KCTD12: variants seen among roughly 807,000 people sequenced by gnomAD.
KCTD12 encodes the protein BTB/POZ domain-containing protein KCTD12.
In KCTD12, 16 loss-of-function variants were observed where a neutral mutation model predicts 22.6. The observed-to-expected ratio is 0.71, with a 90% CI of 0.48 to 1.07. KCTD12 has a LOEUF of 1.07. Among genes scored for constraint, KCTD12 ranks in the 50% least tolerant of loss-of-function variants. The pLI is 0.00. For missense variants in KCTD12, 452 were observed against 469.2 expected, an observed-to-expected ratio of 0.96 and a Z score of 0.34; for synonymous variants, 260 against 228.0, an observed-to-expected ratio of 1.14 and a Z score of -1.26.
rs1555308963 is a variant in KCTD12, at chr13:76,886,282, G to GCCGCCACCACCGCCA, written c.-135_-134insTGGCGGTGGTGGCGG. 9.2e-7 allele frequency: 1 copy of GCCGCCACCACCGCCA among 1,092,660 alleles called. No homozygotes were observed. The highest frequency in any genetic ancestry group is 3.3e-5 in the East Asian group (1 of 30,336). The allele number at this position is 1,092,660 out of a possible 1,614,324, so 67.7% of individuals were successfully genotyped here. ...CCCCGCCGCCGCCGCCGCCGCCACC[G>GCCGCCACCACCGCCA]CCGCCACCGCCACCGCCGCCACCTC... is the stretch of plus-strand genomic sequence containing the variant. On this transcript the variant is annotated 5_prime_UTR_variant, in exon 1 of 1. Coordinates refer to ENST00000377474, the MANE Select transcript of KCTD12 (RefSeq NM_138444.4).
In KCTD12 at chr13:76,886,046, T is replaced by G; in HGVS notation, c.103A>C (p.Ile35Leu). Residue 35 changes from isoleucine to leucine, a missense_variant, in exon 1 of 1, where the codon ATC (isoleucine) becomes CTC (leucine). Coordinates refer to ENST00000377474, the MANE Select transcript of KCTD12 (RefSeq NM_138444.4). Reference sequence around the variant, plus strand: ...TGGCCCCCCACGTTCAGCTCCACGATGTCGGGGAAGAGCGGTGGCTCCGCG... The same window carrying G: ...TGGCCCCCCACGTTCAGCTCCACGAGGTCGGGGAAGAGCGGTGGCTCCGCG... ...SSAEPPLFPDIVELNVGGQVY... is the reference protein window; with the variant it reads ...SSAEPPLFPDLVELNVGGQVY... The G allele has an allele frequency of 6.3e-7, 1 of 1,575,490 alleles. No homozygotes were observed. Among genetic ancestry groups the G allele is most frequent in the Non-Finnish European group, 8.6e-7 (1 of 1,164,296 alleles).
rs1822385429 is a variant in KCTD12, at chr13:76,886,240, G to A, written c.-92C>T. 12 of 1,354,134 alleles carry A rather than the reference G, an allele frequency of 8.9e-6. No individual in the cohort carries two copies. Among genetic ancestry groups the A allele is most frequent in the Non-Finnish European group, 8.5e-6 (9 of 1,056,892 alleles). The allele number at this position is 1,354,134 out of a possible 1,614,324, so 83.9% of individuals were successfully genotyped here. On this transcript the variant is annotated 5_prime_UTR_variant, in exon 1 of 1. Transcript: ENST00000377474. ...TTCCCCGGAGCCCCGGAACCCGGAC[G>A]CTCGCTCAGCCCTGCGCCCCGCCGC...
In KCTD12 at chr13:76,883,444, G is replaced by A. The variant is rs2033226068; in HGVS notation, c.*1727C>T. The A allele has an allele frequency of 6.6e-6, 1 of 152,594 alleles. No individual in the cohort carries two copies. Among genetic ancestry groups the A allele is most frequent in the South Asian group, 2.1e-4 (1 of 4,834 alleles). 9.5% of individuals were successfully genotyped at this position (152,594 alleles called of 1,614,324 possible). A position where few individuals can be genotyped will look rare whatever the true frequency, so the allele number is the denominator to read the frequency against. On this transcript the variant is annotated 3_prime_UTR_variant, in exon 1 of 1. Transcript: ENST00000377474. ...CACCTCACAGCATGGAGCATGACGA[G>A]GTTTATTTCCCTTCACTTATGGTTT...
Position 76,885,548 on chromosome 13 carries a change from G to GT in KCTD12, c.600_601insA (p.Leu201ThrfsTer167). 2 of 1,563,410 alleles carry GT rather than the reference G, an allele frequency of 1.3e-6. No homozygotes were observed. The highest frequency in any genetic ancestry group is 2.3e-5 in the South Asian group (2 of 86,852). ...TAGCCCGAGCGCCGGCTGCCGTCCA[G>GT]CGACTGGGACGGCGTGAGCAGCGGG... is the stretch of plus-strand genomic sequence containing the variant. On this transcript the variant is annotated frameshift_variant, in exon 1 of 1. Coordinates refer to ENST00000377474, the MANE Select transcript of KCTD12 (RefSeq NM_138444.4). LOFTEE classifies it high-confidence loss of function. The surrounding 1 kb of genome is among the most constrained non-coding windows in gnomAD (Gnocchi z 5.1).
chr13:76,885,031 A>T lies in KCTD12; in HGVS notation c.*140T>A. 1.1e-6 allele frequency: 1 copy of T among 887,780 alleles called. No homozygotes were observed. The highest frequency in any genetic ancestry group is 1.7e-5 in the African/African-American group (1 of 60,136). The allele number at this position is 887,780 out of a possible 1,614,324, so 55.0% of individuals were successfully genotyped here. A position where few individuals can be genotyped will look rare whatever the true frequency, so the allele number is the denominator to read the frequency against. ...TCTGTAGTGGAGGGAAGGTGGGCGGACAGGTCTCACCCAGCTACTACTGGA... is the reference window on the plus strand; with the variant it reads ...TCTGTAGTGGAGGGAAGGTGGGCGGTCAGGTCTCACCCAGCTACTACTGGA... On this transcript the variant is annotated 3_prime_UTR_variant, in exon 1 of 1. Transcript: ENST00000377474. This position sits in a 1 kb window ranked among gnomAD's most constrained non-coding sequence, Gnocchi z 5.1.
At position 76,885,797 on chromosome 13, in the gene KCTD12, C is replaced by A; in HGVS notation, c.352G>T (p.Glu118Ter). 1 of 1,588,848 alleles carries A rather than the reference C, an allele frequency of 6.3e-7. No individual in the cohort carries two copies. The highest frequency in any genetic ancestry group is 1.1e-5 in the South Asian group (1 of 89,530). ...PERSRLQREAEYFELPELVRR... is the reference protein window; with the variant it reads ...PERSRLQREA Reference sequence around the variant, plus strand: ...ACGAGCTCTGGCAGCTCGAAGTACTCGGCCTCGCGCTGCAGCCGGCTGCGC... The same window carrying A: ...ACGAGCTCTGGCAGCTCGAAGTACTAGGCCTCGCGCTGCAGCCGGCTGCGC... Residue 118 changes from glutamate (E) to a stop codon, truncating the protein, a stop_gained, in exon 1 of 1, where the codon GAG (glutamate) becomes TAG (stop). Transcript: ENST00000377474. LOFTEE classifies it high-confidence loss of function. This position sits in a 1 kb window ranked among gnomAD's most constrained non-coding sequence, Gnocchi z 5.1.
chr13:76,880,952 G>A lies in KCTD12; in HGVS notation c.*4219C>T, dbSNP rs1486948020. ...TGAATTTCTTCCAACCAAGTTTGAA[G>A]GGCCCCAGTAGAAAATCAAGTGTTA... On this transcript the variant is annotated 3_prime_UTR_variant, in exon 1 of 1. Transcript: ENST00000377474. 6.6e-6 allele frequency: 1 copy of A among 152,204 alleles called. No individual in the cohort carries two copies. The highest frequency in any genetic ancestry group is 2.4e-5 in the African/African-American group (1 of 41,414). 9.4% of individuals were successfully genotyped at this position (152,204 alleles called of 1,614,324 possible).
chr13:76,885,356 G>A lies in KCTD12; in HGVS notation c.793C>T (p.Arg265Cys). The A allele has an allele frequency of 6.2e-7, 1 of 1,613,674 alleles. No individual in the cohort carries two copies. Among genetic ancestry groups the A allele is most frequent in the Non-Finnish European group, 8.5e-7 (1 of 1,179,870 alleles). Residue 265 changes from arginine (R) to cysteine (C), a missense_variant, in exon 1 of 1, where the codon CGC becomes TGC. Physicochemically the swap from Arg to Cys is radical, Grantham distance 180. This residue lies in a region of KCTD12 where 122 missense variants were observed against 172.8 expected (regional missense o/e 0.71). Coordinates refer to ENST00000377474, the MANE Select transcript of KCTD12 (RefSeq NM_138444.4). The surrounding 1 kb of genome is among the most constrained non-coding windows in gnomAD (Gnocchi z 5.1). ...TTGAGGTAATAGCGCGAGGTGTAGC[G>A]CTCCGGGGGACGGTCGGGGTCCCGG... ...ESRDPDRPPE[R>C]YTSRYYLKFN...
Position 76,885,758 on chromosome 13 carries a change from C to T in KCTD12, c.391G>A (p.Ala131Thr), listed in dbSNP as rs751470377. ...ELPELVRRLG[A>T]PQQPGPGPPP... ...GGCCCCGGGCCGGGCTGCTGGGGCG[C>T]CCCGAGGCGGCGCACGAGCTCTGGC... Residue 131 changes from alanine to threonine, a missense_variant, in exon 1 of 1, where the codon GCG becomes ACG. Coordinates refer to ENST00000377474, the MANE Select transcript of KCTD12 (RefSeq NM_138444.4). This position sits in a 1 kb window ranked among gnomAD's most constrained non-coding sequence, Gnocchi z 5.1. 5 of 1,512,578 alleles carry T rather than the reference C, an allele frequency of 3.3e-6. No individual in the cohort carries two copies. Among genetic ancestry groups the T allele is most frequent in the South Asian group, 1.2e-5 (1 of 80,058 alleles). The allele number at this position is 1,512,578 out of a possible 1,614,324, so 93.7% of individuals were successfully genotyped here. A position where few individuals can be genotyped will look rare whatever the true frequency, so the allele number is the denominator to read the frequency against.
rs2033202948 is a variant in KCTD12, at chr13:76,881,552, T to C, written c.*3619A>G. 1 of 152,602 alleles carries C rather than the reference T, an allele frequency of 6.6e-6. No individual in the cohort carries two copies. Among genetic ancestry groups the C allele is most frequent in the African/African-American group, 2.4e-5 (1 of 41,438 alleles). 9.5% of individuals were successfully genotyped at this position (152,602 alleles called of 1,614,324 possible). On this transcript the variant is annotated 3_prime_UTR_variant, in exon 1 of 1. Coordinates refer to ENST00000377474, the MANE Select transcript of KCTD12 (RefSeq NM_138444.4). ...TTGTCTGATATTAACAGATTATGCATTTCCTCAGAGAAGCAGTAGGTCCCA... is the reference window on the plus strand; with the variant it reads ...TTGTCTGATATTAACAGATTATGCACTTCCTCAGAGAAGCAGTAGGTCCCA...
chr13:76,886,258 CCCGCCGCCGCCGCCGCCGCCA>C lies in KCTD12; in HGVS notation c.-131_-111del, dbSNP rs1246847300. The C allele has an allele frequency of 5.8e-6, 7 of 1,216,284 alleles. No individual in the cohort carries two copies. The highest frequency in any genetic ancestry group is 3.4e-5 in the African/African-American group (2 of 59,402). 75.3% of individuals were successfully genotyped at this position (1,216,284 alleles called of 1,614,324 possible). A position where few individuals can be genotyped will look rare whatever the true frequency, so the allele number is the denominator to read the frequency against. ...CCCGGACGCTCGCTCAGCCCTGCGC[CCCGCCGCCGCCGCCGCCGCCA>C]CCGCCGCCACCGCCACCGCCGCCAC... On this transcript the variant is annotated 5_prime_UTR_variant, in exon 1 of 1. Transcript: ENST00000377474.
chr13:76,885,835 T>G lies in KCTD12; in HGVS notation c.314A>C (p.Asp105Ala). 6.3e-7 allele frequency: 1 copy of G among 1,595,612 alleles called. No homozygotes were observed. The highest frequency in any genetic ancestry group is 8.5e-7 in the Non-Finnish European group (1 of 1,178,906). Reference sequence around the variant, plus strand: ...CAGCCGGCTGCGCTCGGGGAAGTAGTCGGGCAGCACGAGCTGCAAGTCCCG... The same window carrying G: ...CAGCCGGCTGCGCTCGGGGAAGTAGGCGGGCAGCACGAGCTGCAAGTCCCG... ...YLRDLQLVLP[D>A]YFPERSRLQR... is the part of the protein sequence containing the mutation. The change falls in exon 1 of 1, where the codon GAC becomes GCC. Residue 105 changes from aspartate to alanine, a missense_variant. By Grantham distance (126) the Asp-to-Ala change is moderately radical. Transcript: ENST00000377474. This position sits in a 1 kb window ranked among gnomAD's most constrained non-coding sequence, Gnocchi z 5.1.
Position 76,881,841 on chromosome 13 carries a change from T to G in KCTD12, c.*3330A>C, listed in dbSNP as rs1235041505. The G allele has an allele frequency of 7.2e-5, 11 of 151,770 alleles. No homozygotes were observed. The highest frequency in any genetic ancestry group is 6.2e-4 in the South Asian group (3 of 4,820). 9.4% of individuals were successfully genotyped at this position (151,770 alleles called of 1,614,324 possible). ...ACACACAGAACCTGGTACCTGTTTT[T>G]TTTTTTTTTTTAACCACCATTGTCT... On this transcript the variant is annotated 3_prime_UTR_variant, in exon 1 of 1. Coordinates refer to ENST00000377474, the MANE Select transcript of KCTD12 (RefSeq NM_138444.4).
chr13:76,886,308 C>T lies in KCTD12; in HGVS notation c.-160G>A. The T allele has an allele frequency of 1.2e-6, 1 of 860,434 alleles. No individual in the cohort carries two copies. Among genetic ancestry groups the T allele is most frequent in the Non-Finnish European group, 1.5e-6 (1 of 647,152 alleles). 53.3% of individuals were successfully genotyped at this position (860,434 alleles called of 1,614,324 possible). A position where few individuals can be genotyped will look rare whatever the true frequency, so the allele number is the denominator to read the frequency against. ...CCGCCACCGCCACCGCCGCCACCTC[C>T]TAGAGCCGCGCGGAGCCGAGCGGTG... On this transcript the variant is annotated 5_prime_UTR_variant, in exon 1 of 1. Transcript: ENST00000377474.
rs1405201886 is a variant in KCTD12, at chr13:76,886,014, G to C, written c.135C>G (p.Tyr45Ter). 6.3e-7 allele frequency: 1 copy of C among 1,590,540 alleles called. No individual in the cohort carries two copies. Among genetic ancestry groups the C allele is most frequent in the South Asian group, 1.1e-5 (1 of 88,802 alleles). ...IVELNVGGQV[Y>*]VTRRCTVVSV... ...ACACCACCGTGCAGCGCCGGGTCACGTACACCTGGCCCCCCACGTTCAGCT... is the reference window on the plus strand; with the variant it reads ...ACACCACCGTGCAGCGCCGGGTCACCTACACCTGGCCCCCCACGTTCAGCT... Residue 45 changes from tyrosine (Y) to a stop codon, truncating the protein, a stop_gained, in exon 1 of 1, where the codon TAC becomes TAG. Coordinates refer to ENST00000377474, the MANE Select transcript of KCTD12 (RefSeq NM_138444.4). LOFTEE classifies it high-confidence loss of function.
chr13:76,885,138 T>TGG lies in KCTD12; in HGVS notation c.*31_*32dup. On this transcript the variant is annotated 3_prime_UTR_variant, in exon 1 of 1. Transcript: ENST00000377474. This position sits in a 1 kb window ranked among gnomAD's most constrained non-coding sequence, Gnocchi z 5.1. ...ATCATCTCTCGGGCAGGAGAAGGAC[T>TGG]GGGCGCTGGAGTGGCGAGGGGGTCT... is the stretch of plus-strand genomic sequence containing the variant. 1 of 1,594,310 alleles carries TGG rather than the reference T, an allele frequency of 6.3e-7. No homozygotes were observed. The highest frequency in any genetic ancestry group is 8.6e-7 in the Non-Finnish European group (1 of 1,168,300).
In KCTD12 at chr13:76,883,927, T is replaced by C. The variant is rs1271640993; in HGVS notation, c.*1244A>G. 6.6e-6 allele frequency: 1 copy of C among 152,664 alleles called. No homozygotes were observed. Among genetic ancestry groups the C allele is most frequent in the Non-Finnish European group, 1.5e-5 (1 of 68,038 alleles). The allele number at this position is 152,664 out of a possible 1,614,324, so 9.5% of individuals were successfully genotyped here. ...CCTACTGGGTAACTCTTTGGTTAGA[T>C]TATATATAAGCATTAACAACTCTAA... is the stretch of plus-strand genomic sequence containing the variant. On this transcript the variant is annotated 3_prime_UTR_variant, in exon 1 of 1. Transcript: ENST00000377474.
In KCTD12 at chr13:76,886,276, G is replaced by A. The variant is rs1421520507; in HGVS notation, c.-128C>T. The stretch of plus-strand genomic sequence containing the variant: ...CCTGCGCCCCGCCGCCGCCGCCGCC[G>A]CCACCGCCGCCACCGCCACCGCCGC... On this transcript the variant is annotated 5_prime_UTR_variant, in exon 1 of 1. Transcript: ENST00000377474. 934 of 1,001,808 alleles carry A rather than the reference G, an allele frequency of 9.3e-4. No individual in the cohort carries two copies. The highest frequency in any genetic ancestry group is 4.9e-3 in the African/African-American group (259 of 53,318). 62.1% of individuals were successfully genotyped at this position (1,001,808 alleles called of 1,614,324 possible).
rs151278314 is a variant in KCTD12, at chr13:76,885,259, G to A, written c.890C>T (p.Thr297Met). 455 of 1,614,032 alleles carry A rather than the reference G, an allele frequency of 2.8e-4. 1 individual carries two copies. The African/African-American group carries it at 5.6e-3, about 20-fold the overall frequency. Reference protein sequence around the residue: ...SGFHMVACSSTGTCAFASSTD... With the variant: ...SGFHMVACSSMGTCAFASSTD... The stretch of plus-strand genomic sequence containing the variant: ...GCTGCTGGCAAAGGCGCAGGTGCCC[G>A]TGGAGCTGCACGCCACCATGTGGAA... The change falls in exon 1 of 1, where the codon ACG becomes ATG. Residue 297 changes from threonine (T) to methionine (M), a missense_variant. By Grantham distance (81) the Thr-to-Met change is moderately conservative. This residue lies in a region of KCTD12 where 122 missense variants were observed against 172.8 expected (regional missense o/e 0.71). Coordinates refer to ENST00000377474, the MANE Select transcript of KCTD12 (RefSeq NM_138444.4). The surrounding 1 kb of genome is among the most constrained non-coding windows in gnomAD (Gnocchi z 5.1).
Sources: gnomAD v4.1 joint callset for allele counts on GRCh38, gnomAD v4.1.1 for gene constraint, gnomAD v4.1.1 regional missense constraint, Gnocchi (gnomAD v3.1) non-coding constraint, MANE v1.5 for transcripts, NCBI Gene and HGNC (gene_info 2026-07-23, HGNC 2026-07-21) for gene names.